Variants in EXOC4 observed in about 807,000 individuals in gnomAD.
EXOC4 encodes the protein exocyst complex component 4, also known as SEC8-like 1.
A neutral mutation model predicts 107.2 loss-of-function variants in EXOC4; 71 were observed. The observed-to-expected ratio is 0.66, with a 90% CI of 0.55 to 0.81. The LOEUF is 0.81. EXOC4 is among the 30% of genes least tolerant of loss of function. The probability of loss-of-function intolerance (pLI) is 0.00; values close to 1 mark genes in which losing one functional copy is unlikely to be tolerated. For missense variants in EXOC4, 1,108 were observed against 1,189.6 expected, an observed-to-expected ratio of 0.93 and a Z score of 1.01; for synonymous variants, 456 against 441.2, an observed-to-expected ratio of 1.03 and a Z score of -0.42.
chr7:133,935,157 A>G (rs1187043383), intron 13 of EXOC4, among the ~76,000 whole-genome samples: 2 of 152,022 alleles, frequency 1.3e-5, no homozygotes, highest in East Asian at 3.9e-4. Flanking sequence ...CATTATGCTC[A>G]GCACTGGCTT....
chr7:133,255,775 A>G (rs1795002236), intron 1 of EXOC4, among the ~76,000 whole-genome samples: 1 of 152,160 alleles, frequency 6.6e-6, no homozygotes, highest in African/African-American at 2.4e-5. Flanking sequence ...AATTTTATAA[A>G]CAGTGGTAGT....
intron 5 of EXOC4, among the ~76,000 whole-genome samples, chr7:133,345,661 T>C (rs1038763961): frequency 1.3e-5 from 2 of 152,212 alleles, no homozygotes; most frequent in African/African-American, 4.8e-5. Context: ...TAGAGGTTTT[T>C]ACTCTATCTC....
intron 2 of EXOC4, among the ~76,000 whole-genome samples, chr7:133,277,435 C>A (rs1305275352): frequency 1.3e-5 from 2 of 152,198 alleles, no homozygotes; most frequent in Non-Finnish European, 2.9e-5. Context: ...ATGGGAAGCA[C>A]CAGCAGTGAT....
chr7:133,642,835 G>T (rs953620526), intron 10 of EXOC4, among the ~76,000 whole-genome samples: 1 of 151,998 alleles, frequency 6.6e-6, no homozygotes, highest in Admixed American at 6.6e-5. Flanking sequence ...CTTTTTCCAG[G>T]TCTGTCATGC....
rs115665625 is a variant in EXOC4, at chr7:133,656,909, A to G, written c.1514+26768A>G. The stretch of plus-strand genomic sequence containing the variant: ...GGACTTGAAATGAGAGTAATTCAGA[A>G]GAGCATTTCAAATAACAAATGGCAC... On this transcript the variant is annotated intron_variant, in intron 10 of 17. Coordinates refer to ENST00000253861, the MANE Select transcript of EXOC4 (RefSeq NM_021807.4). Among the ~76,000 whole-genome samples, 362 of 152,312 alleles carry G rather than the reference A, an allele frequency of 2.4e-3. 5 individuals are homozygous for G. Among genetic ancestry groups the G allele is most frequent in the African/African-American group, 8.1e-3 (338 of 41,572 alleles).
intron 4 of EXOC4, among the ~76,000 whole-genome samples, chr7:133,310,677 A>C (rs1794851616): frequency 6.6e-6 from 1 of 152,102 alleles, no homozygotes; most frequent in South Asian, 2.1e-4. Context: ...TTGGGTTGCT[A>C]TTTTTGCTGG....
At chr7:134,009,080 G>A (rs547378712) in intron 17 of EXOC4, among the ~76,000 whole-genome samples, 10 of 152,272 alleles carry the variant, frequency 6.6e-5, no homozygotes, top group Non-Finnish European at 1.2e-4. Flanking sequence ...GCAATTTGAA[G>A]ATGATAGATG....
chr7:133,787,956 TA>T (rs199927017), intron 10 of EXOC4, among the ~76,000 whole-genome samples: 28,768 of 50,164 alleles, frequency 0.57, 8,356 homozygotes, highest in East Asian at 0.8. Flanking sequence ...TGCATATATT[TA>T]TATATTTATA....
At chr7:133,429,661 A>G (rs1326478708) in intron 7 of EXOC4, among the ~76,000 whole-genome samples, 1 of 152,196 alleles carries the variant, frequency 6.6e-6, no homozygotes, top group Non-Finnish European at 1.5e-5. Context: ...CTGTCTCTGT[A>G]GATTTGTCTA....
intron 15 of EXOC4, among the ~76,000 whole-genome samples, chr7:134,002,139 T>C (rs1270113407): frequency 6.6e-6 from 1 of 152,172 alleles, no homozygotes; most frequent in Non-Finnish European, 1.5e-5. Context: ...CTTATCAAAA[T>C]TATACATTTG....
At position 133,566,752 on chromosome 7, in the gene EXOC4, A is replaced by G. The variant is rs563927480; in HGVS notation, c.1418-63293A>G. Among the ~76,000 whole-genome samples, 4 of 152,338 alleles carry G rather than the reference A, an allele frequency of 2.6e-5. No homozygotes were observed. In the South Asian group the frequency reaches 8.3e-4, roughly 32 times the overall value. Reference sequence around the variant, plus strand: ...GTACCTTTCATAGAATAGATACTCAATAAATATTTGTGGAAAAAACAAAAA... The same window carrying G: ...GTACCTTTCATAGAATAGATACTCAGTAAATATTTGTGGAAAAAACAAAAA... On this transcript the variant is annotated intron_variant, in intron 9 of 17. Coordinates refer to ENST00000253861, the MANE Select transcript of EXOC4 (RefSeq NM_021807.4).
In EXOC4 at chr7:133,484,032, C is replaced by T. The variant is rs199720976; in HGVS notation, c.1417+3894C>T. On this transcript the variant is annotated intron_variant, in intron 9 of 17. Transcript: ENST00000253861. ...CGGTTCATACGTCAACTTTTCCTTC[C>T]GTTGCAGGGTAGCGGCGAAGAAATC... 2.0e-5 allele frequency: 32 copies of T among 1,613,768 alleles called. No homozygotes were observed. The Admixed American group carries it at 2.2e-4, about 11-fold the overall frequency.
intron 11 of EXOC4, among the ~76,000 whole-genome samples, chr7:133,856,435 C>T (rs569656321): frequency 6.6e-6 from 1 of 152,366 alleles, no homozygotes; most frequent in Admixed American, 6.5e-5. Context: ...TGTGGTGTCA[C>T]ATTTTTTGTA....
At chr7:133,507,431 G>C (rs1446981655) in intron 9 of EXOC4, among the ~76,000 whole-genome samples, 2 of 152,164 alleles carry the variant, frequency 1.3e-5, no homozygotes, top group Non-Finnish European at 2.9e-5. Context: ...TGAGTGGGCA[G>C]CATCTGTACT....
intron 11 of EXOC4, among the ~76,000 whole-genome samples, chr7:133,850,655 C>G (rs544437015): frequency 6.6e-6 from 1 of 151,186 alleles, no homozygotes; most frequent in African/African-American, 2.4e-5. Flanking sequence ...CACACACACA[C>G]CCATGTCAAA....
intron 6 of EXOC4, among the ~76,000 whole-genome samples, chr7:133,369,218 A>G (rs1462817963): frequency 3.3e-5 from 5 of 152,210 alleles, no homozygotes; most frequent in Admixed American, 6.5e-5. Context: ...GTGCAGATTT[A>G]CATCCTGTTT....
intron 17 of EXOC4, among the ~76,000 whole-genome samples, chr7:134,041,383 G>A (rs1795513413): frequency 6.6e-6 from 1 of 152,052 alleles, no homozygotes; most frequent in African/African-American, 2.4e-5. Context: ...AAATGTGTGT[G>A]GCTTATTTGC....
intron 10 of EXOC4, among the ~76,000 whole-genome samples, chr7:133,707,589 A>G (rs1297116067): frequency 2.0e-5 from 3 of 151,930 alleles, no homozygotes; most frequent in Non-Finnish European, 4.4e-5. Context: ...CTTATTTCTG[A>G]ACAATATTTG....
intron 9 of EXOC4, among the ~76,000 whole-genome samples, chr7:133,593,727 A>G (rs1801601788): frequency 6.6e-6 from 1 of 152,190 alleles, no homozygotes; most frequent in African/African-American, 2.4e-5. Context: ...TTGCTTTTCT[A>G]CATTTTTGGA....
Sources: allele counts gnomAD v4.1 joint callset (sites outside exome capture counted in the v4.1 genomes callset), GRCh38; gene constraint gnomAD v4.1.1; transcripts MANE v1.5; gene names NCBI Gene and HGNC (gene_info 2026-07-23, HGNC 2026-07-21).